VCL: variants seen among roughly 807,000 people sequenced by gnomAD.
VCL encodes vinculin.
A neutral mutation model predicts 125.7 loss-of-function variants in VCL; 47 were observed. The observed-to-expected ratio is 0.37, with a 90% CI of 0.30 to 0.48. The LOEUF (loss-of-function observed/expected upper bound fraction) is 0.48. Among genes scored for constraint, VCL ranks in the 20% least tolerant of loss-of-function variants. The probability of loss-of-function intolerance (pLI) is 0.99; values close to 1 mark genes in which losing one functional copy is unlikely to be tolerated. For missense variants in VCL, 1,069 were observed against 1,455.5 expected, an observed-to-expected ratio of 0.73 and a Z score of 4.32; for synonymous variants, 458 against 514.6, an observed-to-expected ratio of 0.89 and a Z score of 1.49.
At chr10:74,052,891 T>G (rs1349526454) in intron 2 of VCL, among the ~76,000 whole-genome samples, 1 of 150,624 alleles carries the variant, frequency 6.6e-6, no homozygotes, top group Non-Finnish European at 1.5e-5. Context: ...TTGCTGATAA[T>G]GAACCATTCT....
intron 10 of VCL, 96 bp from the exon 11 acceptor site, chr10:74,094,175 A>G: frequency 6.8e-7 from 1 of 1,468,414 alleles, no homozygotes; most frequent in Non-Finnish European, 9.3e-7. Context: ...AATCAGGAGC[A>G]ATTTGTCATC....
chr10:74,091,319 G>A (rs1839880356), intron 10 of VCL, among the ~76,000 whole-genome samples: 1 of 152,184 alleles, frequency 6.6e-6, no homozygotes, highest in African/African-American at 2.4e-5. Flanking sequence ...ACCTTCATGT[G>A]TGGTCATTCA....
At chr10:74,058,731 G>A (rs1198613144) in intron 2 of VCL, among the ~76,000 whole-genome samples, 3 of 152,004 alleles carry the variant, frequency 2.0e-5, no homozygotes, top group South Asian at 2.1e-4. Flanking sequence ...TCCTTTCCAC[G>A]GCCACTAAAC....
intron 6 of VCL, chr10:74,076,362 G>A (rs1259639672): frequency 1.3e-5 from 2 of 152,630 alleles, no homozygotes; most frequent in Non-Finnish European, 2.9e-5. Context: ...CCTATATTTG[G>A]TGGGTGCCTT....
intron 20 of VCL, 47 bp downstream of exon 20, chr10:74,114,434 TGTGC>T (rs1554819657): frequency 6.8e-6 from 10 of 1,468,404 alleles, no homozygotes; most frequent in African/African-American, 4.3e-5. Flanking sequence ...TGTGTGTGTG[TGTGC>T]GTGTGTGTGT....
At chr10:74,088,339 G>A (rs1216518266) in intron 8 of VCL, among the ~76,000 whole-genome samples, 1 of 152,174 alleles carries the variant, frequency 6.6e-6, no homozygotes, top group East Asian at 1.9e-4. Context: ...ATTTCTGAGA[G>A]AGGAAAATAG....
intron 2 of VCL, among the ~76,000 whole-genome samples, chr10:74,057,707 A>G (rs1404262303): frequency 1.3e-5 from 2 of 152,176 alleles, no homozygotes; most frequent in Admixed American, 1.3e-4. Flanking sequence ...TGAGGTGGCC[A>G]GATTGCTTGA....
At chr10:74,040,261 CTT>C (rs1392110413) in intron 1 of VCL, among the ~76,000 whole-genome samples, 1 of 152,060 alleles carries the variant, frequency 6.6e-6, no homozygotes, top group Non-Finnish European at 1.5e-5. Flanking sequence ...AGGCAGGAAA[CTT>C]TTTTTTATTC....
chr10:74,063,025 G>A (rs189628733), intron 2 of VCL, among the ~76,000 whole-genome samples: 5 of 152,122 alleles, frequency 3.3e-5, no homozygotes, highest in Admixed American at 6.5e-5. Context: ...AGCCGAGATC[G>A]CACCACTGCA....
At chr10:74,102,593 A>C (rs1840077377) in intron 14 of VCL, among the ~76,000 whole-genome samples, 1 of 152,238 alleles carries the variant, frequency 6.6e-6, no homozygotes, top group Non-Finnish European at 1.5e-5. Context: ...GGAAATAAAC[A>C]TGTCTCTGAA....
intron 2 of VCL, among the ~76,000 whole-genome samples, chr10:74,057,849 C>G (rs981123699): frequency 2.6e-5 from 4 of 152,204 alleles, no homozygotes; most frequent in Admixed American, 1.3e-4. Flanking sequence ...AGGAGGATCA[C>G]TTGAGCCCAG....
Position 74,089,243 on chromosome 10 carries a change from C to A in VCL, c.1070C>A (p.Ser357Tyr). Residue 357 changes from serine to tyrosine, a missense_variant, in exon 9 of 22, where the codon TCT (serine) becomes TAT (tyrosine). Physicochemically the swap from Ser to Tyr is moderately radical, Grantham distance 144. Transcript: ENST00000211998. ...PVAMQKAQQVSQGLDVLTAKV... is the reference protein window; with the variant it reads ...PVAMQKAQQVYQGLDVLTAKV... ...GCCATGCAGAAAGCTCAGCAGGTAT[C>A]TCAGGGTCTGGATGTGCTCACAGCA... The A allele has an allele frequency of 6.2e-7, 1 of 1,614,142 alleles. No homozygotes were observed. Among genetic ancestry groups the A allele is most frequent in the Non-Finnish European group, 8.5e-7 (1 of 1,180,028 alleles).
At chr10:74,085,084 A>G (rs1839749297) in intron 8 of VCL, among the ~76,000 whole-genome samples, 1 of 152,076 alleles carries the variant, frequency 6.6e-6, no homozygotes, top group Admixed American at 6.6e-5. Context: ...TAGTTTTTCA[A>G]TATTTTGTAG....
rs66999390 is a variant in VCL, at chr10:74,096,150, C to CTT, written c.1743+309_1743+310dup. ...TAGCCAATATTTTTCTTAAAATGGACTTTTTTTTTTTTTTTAAATGGACTT... is the reference window on the plus strand; with the variant it reads ...TAGCCAATATTTTTCTTAAAATGGACTTTTTTTTTTTTTTTTTAAATGGACTT... On this transcript the variant is annotated intron_variant, in intron 12 of 21. Coordinates refer to ENST00000211998, the MANE Select transcript of VCL (RefSeq NM_014000.3). Among the ~76,000 whole-genome samples, 1,582 of 20,042 alleles carry CTT rather than the reference C, an allele frequency of 0.079. 33 individuals carry two copies. The highest frequency in any genetic ancestry group is 0.24 in the African/African-American group (1,516 of 6,428). 13.1% of individuals were successfully genotyped at this position (20,042 alleles called of 152,430 possible). A position where few individuals can be genotyped will look rare whatever the true frequency, so the allele number is the denominator to read the frequency against.
At chr10:74,022,051 T>A (rs546301259) in intron 1 of VCL, among the ~76,000 whole-genome samples, 1 of 152,310 alleles carries the variant, frequency 6.6e-6, no homozygotes, top group East Asian at 1.9e-4. Context: ...CAGATTAATT[T>A]AAATTCCTTA....
intron 1 of VCL, among the ~76,000 whole-genome samples, chr10:73,999,521 A>G (rs1029824166): frequency 1.3e-5 from 2 of 152,094 alleles, no homozygotes; most frequent in African/African-American, 4.8e-5. Flanking sequence ...AATTTTGGAA[A>G]AAGTTCATAC....
intron 21 of VCL, 78 bp downstream of exon 21, chr10:74,114,977 AT>A: frequency 2.3e-6 from 3 of 1,326,960 alleles, no homozygotes; most frequent in Non-Finnish European, 3.2e-6. Context: ...CTTTGGGGAA[AT>A]TTTACCCCTT....
intron 1 of VCL, among the ~76,000 whole-genome samples, chr10:74,024,992 A>G (rs748568522): frequency 2.0e-5 from 3 of 152,154 alleles, no homozygotes; most frequent in Non-Finnish European, 2.9e-5. Context: ...AAAATATTAG[A>G]CATAATTGAA....
chr10:74,031,480 T>C (rs1279292424), intron 1 of VCL, among the ~76,000 whole-genome samples: 3 of 152,148 alleles, frequency 2.0e-5, no homozygotes, highest in African/African-American at 7.2e-5. Context: ...GACCTAACTA[T>C]AAGAGCTAAA....
Sources: gnomAD v4.1 joint callset for allele counts (sites outside exome capture counted in the v4.1 genomes callset) on GRCh38, gnomAD v4.1.1 for gene constraint, MANE v1.5 for transcripts, NCBI Gene and HGNC (gene_info 2026-07-23, HGNC 2026-07-21) for gene names.